The following WWOX variants were observed in gnomAD, a reference collection of about 807,000 sequenced individuals.
WWOX encodes WW domain-containing oxidoreductase.
Under a neutral mutation model 46.2 loss-of-function variants are expected in WWOX, and 69 were observed. That is an observed-to-expected ratio of 1.49 (90% confidence interval 1.23 to 1.82). The LOEUF (loss-of-function observed/expected upper bound fraction) is 1.82, where lower values mean the gene tolerates loss of function less well. Ranked by LOEUF, WWOX falls within the 40% of genes most tolerant of loss-of-function variation. The pLI is 0.00. For missense variants in WWOX, 919 were observed against 542.6 expected, an observed-to-expected ratio of 1.69 and a Z score of -6.89; for synonymous variants, 359 against 202.6, an observed-to-expected ratio of 1.77 and a Z score of -6.56.
At chr16:79,015,093 G>T (rs528477278) in intron 8 of WWOX, among the ~76,000 whole-genome samples, 1 of 152,186 alleles carries the variant, frequency 6.6e-6, no homozygotes, top group Non-Finnish European at 1.5e-5. Context: ...ATTTGGATGT[G>T]TCGGGGGCCA....
chr16:79,182,069 T>TCCCCCCCCTACCCCCCCCCCACCCCA (rs2050922830), intron 8 of WWOX, among the ~76,000 whole-genome samples: 1 of 149,740 alleles, frequency 6.7e-6, no homozygotes, highest in African/African-American at 2.5e-5. Context: ...CCTTCCAACA[T>TCCCCCCCCTACCCCCCCCCCACCCCA]CCCCACCCTA....
In WWOX at chr16:78,755,234, C is replaced by CA. The variant is rs5818169; in HGVS notation, c.1056+322495dup. On this transcript the variant is annotated intron_variant, in intron 8 of 8. Transcript: ENST00000566780. ...GTGAAAGGAAAAAAAAAAGTTTCAT[C>CA]AAAAAAAAAAAAAGAAAAAGAAAAC... 6.5e-3 allele frequency among the ~76,000 whole-genome samples: 908 copies of CA among 139,848 alleles called. 3 individuals carry two copies. The highest frequency in any genetic ancestry group is 0.012 in the South Asian group (51 of 4,434). 91.7% of individuals were successfully genotyped at this position (139,848 alleles called of 152,430 possible).
chr16:78,115,017 C>A lies in WWOX; in HGVS notation c.272C>A (p.Ala91Glu). The change falls in exon 4 of 9, where the codon GCG (alanine) becomes GAG (glutamate). Residue 91 changes from alanine (A) to glutamate (E), a missense_variant. Ala to Glu is a moderately radical substitution (Grantham distance 107). Coordinates refer to ENST00000566780, the MANE Select transcript of WWOX (RefSeq NM_016373.4). ...ACCACCTACTTGGACCCAAGACTGG[C>A]GTTTACTGTGGATGATAATCCGACC... The part of the protein sequence containing the change: ...KRTTYLDPRL[A>E]FTVDDNPTKP... The A allele has an allele frequency of 3.1e-6, 5 of 1,614,190 alleles. No individual in the cohort carries two copies. The highest frequency in any genetic ancestry group is 4.2e-6 in the Non-Finnish European group (5 of 1,180,044).
intron 8 of WWOX, among the ~76,000 whole-genome samples, chr16:78,860,331 T>A (rs2052686282): frequency 1.3e-5 from 2 of 152,212 alleles, no homozygotes; most frequent in South Asian, 4.1e-4. Context: ...ATTGAAGAAT[T>A]CCCACACTTG....
intron 8 of WWOX, among the ~76,000 whole-genome samples, chr16:78,930,183 C>T (rs1432237840): frequency 1.3e-5 from 2 of 150,542 alleles, no homozygotes; most frequent in East Asian, 3.9e-4. Flanking sequence ...GAAAATTACA[C>T]CATACCCCAG....
chr16:78,671,845 C>T (rs115008924), intron 8 of WWOX, among the ~76,000 whole-genome samples: 13 of 152,232 alleles, frequency 8.5e-5, no homozygotes, highest in African/African-American at 3.1e-4. Flanking sequence ...TAGAAAAATA[C>T]ATGTCAATTA....
At chr16:78,295,075 C>T (rs1316613118) in intron 5 of WWOX, among the ~76,000 whole-genome samples, 1 of 152,144 alleles carries the variant, frequency 6.6e-6, no homozygotes, top group African/African-American at 2.4e-5. Flanking sequence ...TGTGGGGCCG[C>T]TGTAGGAGGA....
At chr16:79,063,872 A>T (rs933166964) in intron 8 of WWOX, among the ~76,000 whole-genome samples, 2 of 152,204 alleles carry the variant, frequency 1.3e-5, no homozygotes, top group Non-Finnish European at 2.9e-5. Flanking sequence ...CCTGAAATCA[A>T]TTTTAAAGTA....
intron 8 of WWOX, among the ~76,000 whole-genome samples, chr16:79,190,268 G>T (rs1003747438): frequency 1.3e-5 from 2 of 151,950 alleles, no homozygotes; most frequent in Non-Finnish European, 2.9e-5. Flanking sequence ...CAAGTGATCT[G>T]CCTGCCTCAG....
At chr16:78,759,754 G>A (rs1597563484) in intron 8 of WWOX, among the ~76,000 whole-genome samples, 1 of 152,182 alleles carries the variant, frequency 6.6e-6, no homozygotes, top group East Asian at 1.9e-4. Flanking sequence ...AGAGGCTTAA[G>A]ACAGCACAAA....
At chr16:78,257,491 T>C (rs2038163850) in intron 5 of WWOX, among the ~76,000 whole-genome samples, 1 of 152,060 alleles carries the variant, frequency 6.6e-6, no homozygotes, top group Admixed American at 6.6e-5. Flanking sequence ...ACTCTTTGGG[T>C]ATGTCTCAAA....
At chr16:79,157,165 G>T (rs887843743) in intron 8 of WWOX, among the ~76,000 whole-genome samples, 5 of 152,208 alleles carry the variant, frequency 3.3e-5, no homozygotes, top group Non-Finnish European at 7.3e-5. Flanking sequence ...GAGAAAAAGT[G>T]AGCAAGAAAT....
chr16:78,602,485 G>C (rs951406106), intron 8 of WWOX, among the ~76,000 whole-genome samples: 19 of 152,126 alleles, frequency 1.2e-4, no homozygotes, highest in African/African-American at 4.6e-4. Context: ...ACCCACCTCG[G>C]CCTCTCAAAG....
intron 5 of WWOX, among the ~76,000 whole-genome samples, chr16:78,220,093 T>C (rs986727267): frequency 1.3e-5 from 2 of 151,878 alleles, no homozygotes; most frequent in Non-Finnish European, 2.9e-5. Context: ...TGCTGAATGA[T>C]TGTGAATGAT....
intron 8 of WWOX, among the ~76,000 whole-genome samples, chr16:78,979,074 G>A (rs1031123277): frequency 7.3e-6 from 1 of 137,610 alleles, no homozygotes; most frequent in Admixed American, 7.5e-5. Context: ...TCCCTGCTCA[G>A]AATTTCAGTC....
Position 78,144,450 on chromosome 16 carries a change from C to CACATAT in WWOX, c.410-19732_410-19731insCATATA, listed in dbSNP as rs1171090089. 1.8e-3 allele frequency among the ~76,000 whole-genome samples: 46 copies of CACATAT among 24,926 alleles called. 4 individuals are homozygous for CACATAT. Among genetic ancestry groups the CACATAT allele is most frequent in the South Asian group, 0.012 (7 of 564 alleles). The allele number at this position is 24,926 out of a possible 152,430, so 16.4% of individuals were successfully genotyped here. A position where few individuals can be genotyped will look rare whatever the true frequency, so the allele number is the denominator to read the frequency against. ...ATTACTATATATATATATATATACA[C>CACATAT]ATATATATATATACACACATATATA... On this transcript the variant is annotated intron_variant, in intron 4 of 8. Transcript: ENST00000566780.
At chr16:78,414,398 G>A (rs911015700) in intron 6 of WWOX, among the ~76,000 whole-genome samples, 5 of 152,178 alleles carry the variant, frequency 3.3e-5, no homozygotes, top group East Asian at 1.9e-4. Context: ...GTGAAACCCT[G>A]CATCTACTAA....
chr16:79,040,956 G>C (rs932218417), intron 8 of WWOX, among the ~76,000 whole-genome samples: 1 of 152,066 alleles, frequency 6.6e-6, no homozygotes, highest in South Asian at 2.1e-4. Context: ...TTTGGGCTGT[G>C]GGGGGACAAT....
At chr16:78,529,442 T>C (rs1163094654) in intron 8 of WWOX, among the ~76,000 whole-genome samples, 1 of 151,934 alleles carries the variant, frequency 6.6e-6, no homozygotes. Context: ...GTGGGCTCTT[T>C]CTGGACCTCT....
Sources: gnomAD v4.1 joint callset for allele counts (sites outside exome capture counted in the v4.1 genomes callset) on GRCh38, gnomAD v4.1.1 for gene constraint, MANE v1.5 for transcripts, NCBI Gene and HGNC (gene_info 2026-07-23, HGNC 2026-07-21) for gene names.